LOC128125817: variants seen among roughly 807,000 people sequenced by gnomAD.
At chr1:41,599,258 T>A in the LOC128125817 span, among the ~76,000 whole-genome samples, 1 of 151,940 alleles carries the variant, frequency 6.6e-6, no homozygotes, top group African/African-American at 2.4e-5. Context: ...AAAACGAATG[T>A]GAAATGAATA....
chr1:41,598,218 CCCAAATTCCA>C, the LOC128125817 span, among the ~76,000 whole-genome samples: 2 of 152,194 alleles, frequency 1.3e-5, no homozygotes, highest in African/African-American at 4.8e-5. Context: ...CTAAGAGAGA[CCCAAATTCCA>C]CATTTGCTGC....
chr1:41,610,331 C>T, the LOC128125817 span, among the ~76,000 whole-genome samples: 1 of 152,224 alleles, frequency 6.6e-6, no homozygotes, highest in African/African-American at 2.4e-5. Context: ...ATGTCTTACA[C>T]CTTGTGGTAA....
the LOC128125817 span, chr1:41,628,691 C>A: frequency 1.7e-6 from 2 of 1,172,536 alleles, no homozygotes; most frequent in Non-Finnish European, 2.1e-6. Context: ...CAAGCTCATG[C>A]AAGACAGACC....
chr1:41,604,072 G>C, the LOC128125817 span, among the ~76,000 whole-genome samples: 24 of 152,356 alleles, frequency 1.6e-4, no homozygotes, highest in Admixed American at 3.9e-4. Context: ...AACTCTTCTT[G>C]TGCATTGTTA....
the LOC128125817 span, among the ~76,000 whole-genome samples, chr1:41,618,405 C>T: frequency 1.3e-5 from 2 of 152,192 alleles, no homozygotes; most frequent in African/African-American, 4.8e-5. Context: ...AAAATGTGCT[C>T]GGGCCCTGAA....
At chr1:41,611,945 T>C in the LOC128125817 span, among the ~76,000 whole-genome samples, 1 of 152,182 alleles carries the variant, frequency 6.6e-6, no homozygotes, top group Non-Finnish European at 1.5e-5. Context: ...TGACTAGGTC[T>C]GTGAAGATAT....
the LOC128125817 span, among the ~76,000 whole-genome samples, chr1:41,626,863 T>G: frequency 3.9e-5 from 6 of 152,136 alleles, no homozygotes; most frequent in African/African-American, 1.4e-4. Context: ...AGGAAGCATC[T>G]TGGTGGAGAA....
the LOC128125817 span, among the ~76,000 whole-genome samples, chr1:41,611,823 C>G: frequency 2.6e-5 from 4 of 152,180 alleles, no homozygotes; most frequent in South Asian, 2.1e-4. Flanking sequence ...AGTTGGGTTT[C>G]GGGGACCTTT....
At chr1:41,625,125 T>G in the LOC128125817 span, among the ~76,000 whole-genome samples, 2 of 123,572 alleles carry the variant, frequency 1.6e-5, no homozygotes, top group Admixed American at 2.1e-4. Context: ...ATCATGCCAT[T>G]GCACTCCAGC....
chr1:41,610,624 C>A, the LOC128125817 span, among the ~76,000 whole-genome samples: 1 of 152,236 alleles, frequency 6.6e-6, no homozygotes, highest in African/African-American at 2.4e-5. Context: ...GGCCCACAGC[C>A]TTCTTCAGCT....
At chr1:41,588,622 G>C in the LOC128125817 span, among the ~76,000 whole-genome samples, 1 of 152,232 alleles carries the variant, frequency 6.6e-6, no homozygotes. Context: ...TGTCCAGCCT[G>C]CACCTGTGGG....
chr1:41,611,593 C>A, the LOC128125817 span, among the ~76,000 whole-genome samples: 1 of 152,230 alleles, frequency 6.6e-6, no homozygotes. Flanking sequence ...CCAAGGCAGG[C>A]AGGGGGTCTG....
chr1:41,617,083 C>A, the LOC128125817 span, among the ~76,000 whole-genome samples: 1 of 152,164 alleles, frequency 6.6e-6, no homozygotes, highest in African/African-American at 2.4e-5. Context: ...TACTGCCTTT[C>A]CAAACAGAGA....
At chr1:41,621,996 T>A in the LOC128125817 span, among the ~76,000 whole-genome samples, 1 of 152,252 alleles carries the variant, frequency 6.6e-6, no homozygotes, top group Non-Finnish European at 1.5e-5. Context: ...CATCATTTCC[T>A]GCCTGGATTG....
chr1:41,601,343 G>T, the LOC128125817 span, among the ~76,000 whole-genome samples: 2 of 152,088 alleles, frequency 1.3e-5, no homozygotes, highest in African/African-American at 4.8e-5. Flanking sequence ...GTTTTGGGTA[G>T]TATGGACATG....
At chr1:41,608,602 T>C in the LOC128125817 span, among the ~76,000 whole-genome samples, 2 of 152,224 alleles carry the variant, frequency 1.3e-5, no homozygotes, top group Non-Finnish European at 2.9e-5. Flanking sequence ...TGCTTGGCTC[T>C]TCTGAGACAA....
chr1:41,606,425 T>G, the LOC128125817 span, among the ~76,000 whole-genome samples: 18 of 151,954 alleles, frequency 1.2e-4, no homozygotes, highest in African/African-American at 4.4e-4. Flanking sequence ...GACAGTATAA[T>G]TAAGTCTACT....
At chr1:41,592,778 T>C in the LOC128125817 span, among the ~76,000 whole-genome samples, 4 of 152,366 alleles carry the variant, frequency 2.6e-5, no homozygotes, top group East Asian at 7.7e-4. Flanking sequence ...TATAACATTC[T>C]AACCTCACTC....
chr1:41,603,079 T>G, the LOC128125817 span, among the ~76,000 whole-genome samples: 1 of 152,142 alleles, frequency 6.6e-6, no homozygotes, highest in East Asian at 1.9e-4. Context: ...TTATTTTTTA[T>G]TTTTTGAGAC....
Sources: allele counts gnomAD v4.1 joint callset (sites outside exome capture counted in the v4.1 genomes callset), GRCh38; gene constraint gnomAD v4.1.1; transcripts MANE v1.5.